The following NRIP3 variants were observed in gnomAD, a reference collection of about 807,000 sequenced individuals.
NRIP3 encodes nuclear receptor-interacting protein 3.
Under a neutral mutation model 29.0 loss-of-function variants are expected in NRIP3, and 31 were observed. That is an observed-to-expected ratio of 1.07 (90% CI 0.80 to 1.44). The LOEUF (loss-of-function observed/expected upper bound fraction) is 1.44, where lower values mean the gene tolerates loss of function less well. NRIP3 is among the 40% of genes most tolerant of loss of function. The pLI is 0.00. For missense variants in NRIP3, 314 were observed against 297.9 expected (o/e 1.05, Z -0.40); for synonymous variants, 131 against 118.3 (o/e 1.11, Z -0.70).
rs1045673663 is a variant in NRIP3 at position 9,004,000 on chromosome 11, G to C, written c.-65C>G. ...GCAGCCTCAGCCTCGAGCTCCTCCAGCGCCGCAAGGGCCCCGAGCCGCGCC... is the reference window on the plus strand; with the variant it reads ...GCAGCCTCAGCCTCGAGCTCCTCCACCGCCGCAAGGGCCCCGAGCCGCGCC... On this transcript the variant is annotated 5_prime_UTR_variant, in exon 1 of 7. Transcript: ENST00000309166. 2 of 1,374,930 alleles carry C rather than the reference G, an allele frequency of 1.5e-6. No homozygotes were observed. Among genetic ancestry groups the C allele is most frequent in the Non-Finnish European group, 1.9e-6 (2 of 1,055,366 alleles). The allele number at this position is 1,374,930 out of a possible 1,614,324, so 85.2% of individuals were successfully genotyped here.
chr11:8,994,208 A>T (rs901793820), intron 1 of NRIP3, among the ~76,000 whole-genome samples: 1 of 152,180 alleles, frequency 6.6e-6, no homozygotes, highest in African/African-American at 2.4e-5. Flanking sequence ...CACATTCAAG[A>T]AATGAGGAAG....
chr11:9,001,817 A>G (rs1044872133), intron 1 of NRIP3, among the ~76,000 whole-genome samples: 2 of 144,548 alleles, frequency 1.4e-5, no homozygotes. Context: ...TGTTCTGTGC[A>G]ATCACTTGTA....
intron 6 of NRIP3, 102 bp from the exon 7 acceptor site, chr11:8,983,662 C>G: frequency 1.8e-6 from 2 of 1,108,742 alleles, no homozygotes; most frequent in Admixed American, 3.7e-5. Context: ...ATTTCCCTAC[C>G]ACTCTGTGTG....
intron 1 of NRIP3, among the ~76,000 whole-genome samples, chr11:8,999,574 AT>A (rs1242457313): frequency 2.6e-5 from 4 of 152,244 alleles, no homozygotes; most frequent in Admixed American, 6.5e-5. Context: ...AATAAAAAAA[AT>A]AATAATTTTA....
chr11:9,003,559 G>A (rs1399688399), intron 1 of NRIP3, among the ~76,000 whole-genome samples: 1 of 152,224 alleles, frequency 6.6e-6, no homozygotes, highest in Non-Finnish European at 1.5e-5. Context: ...CGAGGGGAGC[G>A]CAAGCTAGAA....
At chr11:9,000,039 T>C (rs1373011329) in intron 1 of NRIP3, among the ~76,000 whole-genome samples, 1 of 152,226 alleles carries the variant, frequency 6.6e-6, no homozygotes. Context: ...TGGTTCACTA[T>C]TATATCTCCA....
chr11:8,985,547 A>G (rs1397211549), intron 4 of NRIP3, among the ~76,000 whole-genome samples, 164 bp downstream of exon 4: 1 of 152,152 alleles, frequency 6.6e-6, no homozygotes, highest in East Asian at 1.9e-4. Flanking sequence ...GGGCCCATCT[A>G]TTACTTTGGA....
chr11:8,993,800 C>A (rs1307836520), intron 1 of NRIP3, among the ~76,000 whole-genome samples: 1 of 110,288 alleles, frequency 9.1e-6, no homozygotes, highest in Non-Finnish European at 1.8e-5. Flanking sequence ...CAAAGCGAGA[C>A]CCTGCCTCAA....
At chr11:8,993,515 A>C (rs141123366) in intron 1 of NRIP3, among the ~76,000 whole-genome samples, 4 of 152,294 alleles carry the variant, frequency 2.6e-5, no homozygotes, top group African/African-American at 9.6e-5. Context: ...ATCCATTATA[A>C]TAGAAAATCA....
upstream of NRIP3, chr11:9,004,158 G>A (rs934578780): frequency 1.8e-5 from 7 of 379,770 alleles, no homozygotes; most frequent in African/African-American, 8.4e-5. Flanking sequence ...CTCACCCGGT[G>A]GCAAAGCCGG....
rs1365358618 is a variant in NRIP3, at chr11:8,981,775, G to A, written c.*1770C>T. On this transcript the variant is annotated 3_prime_UTR_variant, in exon 7 of 7. Transcript: ENST00000309166. ...GCTTTAGATATAGCCTCCCAACCATGGCTGTGCTTAGCTTCCTATCTAGCT... is the reference window on the plus strand; with the variant it reads ...GCTTTAGATATAGCCTCCCAACCATAGCTGTGCTTAGCTTCCTATCTAGCT... 2 of 152,144 alleles carry A rather than the reference G, an allele frequency of 1.3e-5. No homozygotes were observed. The highest frequency in any genetic ancestry group is 4.8e-5 in the African/African-American group (2 of 41,432). 9.4% of individuals were successfully genotyped at this position (152,144 alleles called of 1,614,324 possible). A position where few individuals can be genotyped will look rare whatever the true frequency, so the allele number is the denominator to read the frequency against.
At chr11:8,998,440 A>T (rs1314922766) in intron 1 of NRIP3, among the ~76,000 whole-genome samples, 4 of 152,240 alleles carry the variant, frequency 2.6e-5, no homozygotes, top group Non-Finnish European at 5.9e-5. Flanking sequence ...AGGATTCACA[A>T]ATGGGCAAGG....
chr11:8,990,244 A>C (rs1854577478), intron 1 of NRIP3, among the ~76,000 whole-genome samples: 1 of 152,146 alleles, frequency 6.6e-6, no homozygotes, highest in Non-Finnish European at 1.5e-5. Context: ...TGGTCTTTTT[A>C]AAAAAAGACT....
Position 9,003,986 on chromosome 11 carries a change from C to T in NRIP3, c.-51G>A, listed in dbSNP as rs1854866198. ...CCCACAGCCCCCCGGCAGCCTCAGC[C>T]TCGAGCTCCTCCAGCGCCGCAAGGG... On this transcript the variant is annotated 5_prime_UTR_variant, in exon 1 of 7. Coordinates refer to ENST00000309166, the MANE Select transcript of NRIP3 (RefSeq NM_020645.3). 7.0e-7 allele frequency: 1 copy of T among 1,420,946 alleles called. No individual in the cohort carries two copies. Among genetic ancestry groups the T allele is most frequent in the African/African-American group, 1.5e-5 (1 of 66,046 alleles). The allele number at this position is 1,420,946 out of a possible 1,614,324, so 88.0% of individuals were successfully genotyped here. A position where few individuals can be genotyped will look rare whatever the true frequency, so the allele number is the denominator to read the frequency against.
At chr11:8,988,418 C>G (rs927060735) in intron 1 of NRIP3, 136 bp from the exon 2 acceptor site, 11 of 696,810 alleles carry the variant, frequency 1.6e-5, no homozygotes, top group Non-Finnish European at 2.6e-5. Context: ...ATACTTCCTT[C>G]AAGTGAGGAC....
intron 1 of NRIP3, among the ~76,000 whole-genome samples, chr11:8,999,377 C>G (rs1307326498): frequency 6.6e-6 from 1 of 152,172 alleles, no homozygotes; most frequent in African/African-American, 2.4e-5. Flanking sequence ...TGTATAATAG[C>G]TTCCTAATCA....
intron 1 of NRIP3, among the ~76,000 whole-genome samples, chr11:8,990,011 C>G (rs191249654): frequency 1.4e-4 from 22 of 152,222 alleles, no homozygotes; most frequent in Admixed American, 5.9e-4. Flanking sequence ...TGCAAAGGAA[C>G]CTAATCATTA....
chr11:8,989,593 C>G (rs1670685480), intron 1 of NRIP3, among the ~76,000 whole-genome samples: 1 of 152,186 alleles, frequency 6.6e-6, no homozygotes. Context: ...TACACTGATT[C>G]TTGGCAAAGC....
chr11:8,994,560 T>C (rs1312828086), intron 1 of NRIP3, among the ~76,000 whole-genome samples: 1 of 152,238 alleles, frequency 6.6e-6, no homozygotes, highest in East Asian at 1.9e-4. Context: ...CTGCCCTACT[T>C]TCTGCATTTT....
Sources: allele counts gnomAD v4.1 joint callset (sites outside exome capture counted in the v4.1 genomes callset), GRCh38; gene constraint gnomAD v4.1.1; transcripts MANE v1.5; gene names NCBI Gene and HGNC (gene_info 2026-07-23, HGNC 2026-07-21).